The following EIF4G3 variants were observed in gnomAD, a reference collection of about 807,000 sequenced individuals.
EIF4G3 encodes eIF-4-gamma 3.
A neutral mutation model predicts 186.4 loss-of-function variants in EIF4G3; 34 were observed. The ratio of observed to expected loss-of-function variants is 0.18; its 90% CI spans 0.14 to 0.24. The LOEUF (loss-of-function observed/expected upper bound fraction) is 0.24. Ranked by LOEUF, EIF4G3 falls within the 10% of genes least tolerant of loss-of-function variation. The pLI is 1.00. For synonymous variants in EIF4G3, 673 were observed against 679.5 expected, an observed-to-expected ratio of 0.99 and a Z score of 0.15; for missense variants, 1,536 against 1,948.5, an observed-to-expected ratio of 0.79 and a Z score of 3.99.
At chr1:21,027,193 ATT>A (rs34372978) in intron 4 of EIF4G3, among the ~76,000 whole-genome samples, 29 of 132,244 alleles carry the variant, frequency 2.2e-4, no homozygotes, top group Admixed American at 3.1e-4. Context: ...CACACATACA[ATT>A]TTTTTTTTTT....
At chr1:20,993,294 A>T (rs2081521490) in intron 7 of EIF4G3, among the ~76,000 whole-genome samples, 2 of 152,222 alleles carry the variant, frequency 1.3e-5, no homozygotes, top group Non-Finnish European at 2.9e-5. Context: ...TCCAAGGAAT[A>T]CACTCAAAGC....
chr1:21,147,486 T>G (rs911889198), intron 2 of EIF4G3, among the ~76,000 whole-genome samples: 19 of 151,674 alleles, frequency 1.3e-4, no homozygotes, highest in Non-Finnish European at 2.5e-4. Context: ...GATTACAGGT[T>G]CCTGCCACCA....
At chr1:20,930,864 ATTTTT>A (rs138450337) in intron 14 of EIF4G3, among the ~76,000 whole-genome samples, 1 of 150,092 alleles carries the variant, frequency 6.7e-6, no homozygotes, top group East Asian at 1.9e-4. Flanking sequence ...ATGAATTACA[ATTTTT>A]TTTTTAAGAG....
chr1:20,994,628 CTTTTTTT>C (rs3081939), intron 7 of EIF4G3, among the ~76,000 whole-genome samples: 2 of 124,482 alleles, frequency 1.6e-5, no homozygotes, highest in African/African-American at 6.0e-5. Context: ...AACATATATA[CTTTTTTT>C]TTTTTTTTTT....
chr1:20,941,788 C>T lies in EIF4G3; in HGVS notation c.1366G>A (p.Glu456Lys), dbSNP rs768192293. ...LENPPEEMKL[E>K]CIPAPITPST... ...GGGGTGATGGGAGCTGGGATACACT[C>T]CAGTTTCATTTCTTCTGGGGGATTT... The change falls in exon 14 of 37, where the codon GAG becomes AAG. Residue 456 changes from glutamate (E) to lysine (K), a missense_variant. By Grantham distance (56) the Glu-to-Lys change is moderately conservative. Transcript: ENST00000602326. 8 of 1,613,110 alleles carry T rather than the reference C, an allele frequency of 5.0e-6. No homozygotes were observed. The highest frequency in any genetic ancestry group is 6.8e-6 in the Non-Finnish European group (8 of 1,179,582).
At chr1:21,018,767 C>T (rs1412455257) in intron 4 of EIF4G3, among the ~76,000 whole-genome samples, 2 of 151,990 alleles carry the variant, frequency 1.3e-5, no homozygotes, top group Admixed American at 1.3e-4. Context: ...TTTAGAAGAG[C>T]CTGTCACCTG....
chr1:20,838,975 C>T (rs150023599), intron 30 of EIF4G3, among the ~76,000 whole-genome samples: 1 of 152,200 alleles, frequency 6.6e-6, no homozygotes, highest in African/African-American at 2.4e-5. Context: ...CCATGCCCAG[C>T]CTGAAAGAAA....
intron 3 of EIF4G3, among the ~76,000 whole-genome samples, chr1:21,054,333 G>GGAAGGCCA (rs1553181200): frequency 7.7e-6 from 1 of 130,618 alleles, no homozygotes; most frequent in Non-Finnish European, 1.7e-5. Flanking sequence ...CAAACACTGC[G>GGAAGGCCA]GAAGGCCGCA....
intron 2 of EIF4G3, among the ~76,000 whole-genome samples, chr1:21,098,327 AGTCCAGGAGTTCAG>A (rs1327952367): frequency 8.5e-5 from 13 of 152,194 alleles, no homozygotes; most frequent in African/African-American, 3.1e-4. Flanking sequence ...GAACTGCTTG[AGTCCAGGAGTTCAG>A]GACTAGCCTG....
intron 20 of EIF4G3, among the ~76,000 whole-genome samples, chr1:20,874,263 C>G (rs1294094826): frequency 6.6e-6 from 1 of 152,096 alleles, no homozygotes; most frequent in Admixed American, 6.6e-5. Context: ...GAGGAATCGT[C>G]ATACTGTTGA....
At chr1:21,063,584 G>A (rs942748036) in intron 3 of EIF4G3, among the ~76,000 whole-genome samples, 2 of 151,734 alleles carry the variant, frequency 1.3e-5, no homozygotes, top group Non-Finnish European at 2.9e-5. Context: ...AATCGGTGGT[G>A]CACTAATAAC....
intron 2 of EIF4G3, chr1:21,175,283 A>C (rs990702002): frequency 2.0e-5 from 3 of 152,228 alleles, no homozygotes; most frequent in Non-Finnish European, 4.4e-5. Flanking sequence ...AAAATACCCC[A>C]TCACCAAGTC....
At chr1:20,963,087 G>A (rs2073793164) in intron 12 of EIF4G3, among the ~76,000 whole-genome samples, 1 of 151,444 alleles carries the variant, frequency 6.6e-6, no homozygotes, top group African/African-American at 2.4e-5. Flanking sequence ...CTCTCTGTAT[G>A]GTCTGTATGG....
rs150461056 is a variant in EIF4G3 at position 20,992,456 on chromosome 1, A to T, written c.177+5145T>A. On this transcript the variant is annotated intron_variant, in intron 7 of 36. Coordinates refer to ENST00000602326, the MANE Select transcript of EIF4G3 (RefSeq NM_001391906.1). ...CTTTTCAAAAGTTTCTTTTTCACAAAAAGAACCAAACCACAAGAGGAAAAC... is the reference window on the plus strand; with the variant it reads ...CTTTTCAAAAGTTTCTTTTTCACAATAAGAACCAAACCACAAGAGGAAAAC... 4.4e-3 allele frequency among the ~76,000 whole-genome samples: 671 copies of T among 152,286 alleles called. 6 individuals are homozygous for T. The highest frequency in any genetic ancestry group is 0.037 in the Middle Eastern group (11 of 294).
At chr1:20,816,211 G>A (rs1486562177) in intron 34 of EIF4G3, among the ~76,000 whole-genome samples, 39 of 83,098 alleles carry the variant, frequency 4.7e-4, no homozygotes, top group Non-Finnish European at 9.2e-4. Flanking sequence ...CAGCCGCCCC[G>A]TCCGGGAGGG....
rs139932608 is a variant in EIF4G3, at chr1:21,020,087, T to C, written c.-66-17279A>G. ...CTTCTTCAAATCTAACATCATCCCA[T>C]GTGGAATAGTTGCGTCCACTTAACA... On this transcript the variant is annotated intron_variant, in intron 4 of 36. Coordinates refer to ENST00000602326, the MANE Select transcript of EIF4G3 (RefSeq NM_001391906.1). Among the ~76,000 whole-genome samples the C allele has an allele frequency of 4.6e-3, 706 of 152,276 alleles. 4 individuals carry two copies. Among genetic ancestry groups the C allele is most frequent in the African/African-American group, 0.015 (642 of 41,542 alleles).
chr1:21,128,914 T>C (rs1046973182), intron 2 of EIF4G3, among the ~76,000 whole-genome samples: 1 of 152,140 alleles, frequency 6.6e-6, no homozygotes, highest in Non-Finnish European at 1.5e-5. Flanking sequence ...CCACATAATA[T>C]AAAACGTAAC....
At chr1:20,888,578 AAT>A (rs1294849785) in intron 18 of EIF4G3, among the ~76,000 whole-genome samples, 1 of 152,162 alleles carries the variant, frequency 6.6e-6, no homozygotes, top group Non-Finnish European at 1.5e-5. Context: ...GAGACAAAAG[AAT>A]CAGAATCTAG....
intron 2 of EIF4G3, among the ~76,000 whole-genome samples, chr1:21,155,797 C>T (rs1022202157): frequency 6.6e-6 from 1 of 152,014 alleles, no homozygotes; most frequent in Non-Finnish European, 1.5e-5. Context: ...CTCTCCAAAC[C>T]AAAGCCCTTT....
Sources: allele counts gnomAD v4.1 joint callset (sites outside exome capture counted in the v4.1 genomes callset), GRCh38; gene constraint gnomAD v4.1.1; transcripts MANE v1.5; gene names NCBI Gene and HGNC (gene_info 2026-07-23, HGNC 2026-07-21).